The following TLL2 variants were observed in gnomAD, a reference collection of about 807,000 sequenced individuals.
TLL2 encodes the protein tolloid-like protein 2.
A neutral mutation model predicts 123.0 loss-of-function variants in TLL2; 106 were observed. The observed-to-expected ratio is 0.86, with a 90% CI of 0.74 to 1.01. TLL2 has a LOEUF of 1.01. TLL2 is among the 50% of genes least tolerant of loss of function. TLL2 has a pLI of 0.00. For missense variants in TLL2, 1,332 were observed against 1,336.7 expected (o/e 1.00, Z 0.06); for synonymous variants, 494 against 516.8 (o/e 0.96, Z 0.60).
intron 19 of TLL2, among the ~76,000 whole-genome samples, chr10:96,372,228 A>T (rs1846090958): frequency 6.6e-6 from 1 of 152,142 alleles, no homozygotes; most frequent in South Asian, 2.1e-4. Flanking sequence ...CTGCTGTGCA[A>T]GAGGAGGCTG....
At chr10:96,432,757 G>C (rs1478269706) in intron 4 of TLL2, 50 bp downstream of exon 4, 2 of 1,590,608 alleles carry the variant, frequency 1.3e-6, no homozygotes, top group South Asian at 2.3e-5. Flanking sequence ...TCTCAACCCA[G>C]GGAGACAAAG....
rs373878982 is a variant in TLL2 at position 96,413,178 on chromosome 10, C to T, written c.1048+14G>A. 1.9e-5 allele frequency: 30 copies of T among 1,613,572 alleles called. 1 individual carries two copies. The Admixed American group carries it at 2.0e-4, about 11-fold the overall frequency. ...GCTAGGGAGGTGCTGGCAGTCCCCA[C>T]GGCTCATAGTTACCTGGGCATTTGT... On this transcript the variant is annotated intron_variant, in intron 8 of 20. Coordinates refer to ENST00000357947, the MANE Select transcript of TLL2 (RefSeq NM_012465.4).
chr10:96,438,723 G>A (rs920811399), intron 3 of TLL2, among the ~76,000 whole-genome samples: 9 of 152,240 alleles, frequency 5.9e-5, no homozygotes, highest in Non-Finnish European at 1.2e-4. Context: ...AGACATCCTT[G>A]CCTTGTTCTT....
rs544445422 is a variant in TLL2, at chr10:96,462,909, T to C, written c.287-16741A>G. Among the ~76,000 whole-genome samples the C allele has an allele frequency of 1.6e-4, 25 of 152,278 alleles. No individual in the cohort carries two copies. The East Asian group carries it at 4.2e-3, about 26-fold the overall frequency. The stretch of plus-strand genomic sequence containing the variant: ...AATGCTTAAAATATGGCACTAAATA[T>C]AGCACAAGAAGGACACTTGTTTACA... On this transcript the variant is annotated intron_variant, in intron 2 of 20. Coordinates refer to ENST00000357947, the MANE Select transcript of TLL2 (RefSeq NM_012465.4).
chr10:96,477,851 T>TC (rs1351950730), intron 2 of TLL2, among the ~76,000 whole-genome samples: 1 of 152,112 alleles, frequency 6.6e-6, no homozygotes, highest in African/African-American at 2.4e-5. Context: ...GGGAGACGGC[T>TC]CCAGGGTCTG....
chr10:96,500,804 C>CGAAAGCAAGATAAGGAAGGAAGGAAG (rs1564920410), intron 1 of TLL2, among the ~76,000 whole-genome samples: 1 of 12,972 alleles, frequency 7.7e-5, no homozygotes, highest in African/African-American at 2.9e-4. Flanking sequence ...GAGGGAGGGA[C>CGAAAGCAAGATAAGGAAGGAAGGAAG]GGAGGGAGGG....
chr10:96,508,396 G>A (rs531407355), intron 1 of TLL2, among the ~76,000 whole-genome samples: 42 of 152,194 alleles, frequency 2.8e-4, no homozygotes, highest in Non-Finnish European at 4.6e-4. Flanking sequence ...GCAGAGTGAG[G>A]TGAAACACCA....
At chr10:96,395,820 G>A (rs1159775408) in intron 12 of TLL2, 55 bp downstream of exon 12, 1 of 1,604,996 alleles carries the variant, frequency 6.2e-7, no homozygotes, top group Non-Finnish European at 8.5e-7. Context: ...ACAGAGTGGA[G>A]GATGTCTAGC....
In TLL2 at chr10:96,420,634, C is replaced by G. The variant is rs1211746150; in HGVS notation, c.923+322G>C. ...CACCACCATGCTTCTACAAAAGACT[C>G]CCCCCACCCACTGGAAATTTGACAC... On this transcript the variant is annotated intron_variant, in intron 7 of 20. Coordinates refer to ENST00000357947, the MANE Select transcript of TLL2 (RefSeq NM_012465.4). Among the ~76,000 whole-genome samples, 9 of 152,162 alleles carry G rather than the reference C, an allele frequency of 5.9e-5. 1 individual carries two copies. The highest frequency in any genetic ancestry group is 1.2e-4 in the Non-Finnish European group (8 of 68,026).
chr10:96,434,222 C>G (rs139765904), intron 3 of TLL2, among the ~76,000 whole-genome samples: 2 of 152,262 alleles, frequency 1.3e-5, no homozygotes, highest in African/African-American at 4.8e-5. Flanking sequence ...CCCTATTTAG[C>G]CTTTTAAAGT....
chr10:96,397,812 T>A (rs933529124), intron 10 of TLL2, among the ~76,000 whole-genome samples: 6 of 152,204 alleles, frequency 3.9e-5, no homozygotes, highest in Non-Finnish European at 5.9e-5. Flanking sequence ...TTTGGAAGGA[T>A]GCACCATATT....
In TLL2 at chr10:96,413,173, C is replaced by G; in HGVS notation, c.1048+19G>C. ...GAGATGCTAGGGAGGTGCTGGCAGT[C>G]CCCACGGCTCATAGTTACCTGGGCA... On this transcript the variant is annotated intron_variant, in intron 8 of 20. Coordinates refer to ENST00000357947, the MANE Select transcript of TLL2 (RefSeq NM_012465.4). The G allele has an allele frequency of 1.2e-6, 2 of 1,613,382 alleles. No individual in the cohort carries two copies. Among genetic ancestry groups the G allele is most frequent in the Non-Finnish European group, 1.7e-6 (2 of 1,179,522 alleles).
chr10:96,394,079 T>C (rs1224996930), intron 13 of TLL2, among the ~76,000 whole-genome samples: 4 of 152,164 alleles, frequency 2.6e-5, no homozygotes. Flanking sequence ...GCTGTTCACG[T>C]AGAACCTGGG....
chr10:96,470,219 C>T (rs180990163), intron 2 of TLL2, among the ~76,000 whole-genome samples: 1 of 152,356 alleles, frequency 6.6e-6, no homozygotes, highest in African/African-American at 2.4e-5. Context: ...ATCCCTGAGC[C>T]TGAGAATTTC....
intron 10 of TLL2, 25 bp from the exon 11 acceptor site, chr10:96,397,327 T>C (rs1279088392): frequency 1.9e-6 from 3 of 1,593,462 alleles, no homozygotes; most frequent in Non-Finnish European, 2.6e-6. Context: ...AAGAAGCAGT[T>C]AGGAGCCCTG....
At chr10:96,488,630 A>C (rs1192462346) in intron 1 of TLL2, among the ~76,000 whole-genome samples, 1 of 152,218 alleles carries the variant, frequency 6.6e-6, no homozygotes, top group Non-Finnish European at 1.5e-5. Flanking sequence ...ACAGCCTTCA[A>C]GCAAGAGTGG....
rs191413021 is a variant in TLL2 at position 96,431,801 on chromosome 10, G to T, written c.520+1006C>A. On this transcript the variant is annotated intron_variant, in intron 4 of 20. Transcript: ENST00000357947. ...GGGGACAGGGAGGCGCTGGTGGGGG[G>T]AGGGCAGAAGGCCTTCCTGTGATGT... is the stretch of plus-strand genomic sequence containing the variant. Among the ~76,000 whole-genome samples the T allele has an allele frequency of 4.4e-3, 665 of 152,304 alleles. 3 individuals are homozygous for T. The highest frequency in any genetic ancestry group is 0.01 in the Middle Eastern group (3 of 294).
intron 2 of TLL2, among the ~76,000 whole-genome samples, chr10:96,453,813 A>G (rs999671696): frequency 6.6e-6 from 1 of 152,198 alleles, no homozygotes; most frequent in Non-Finnish European, 1.5e-5. Flanking sequence ...TGCCGAAAAA[A>G]TGCTGGATGG....
At chr10:96,476,216 T>TTATATATATATATATATATATATA (rs1466849863) in intron 2 of TLL2, among the ~76,000 whole-genome samples, 2 of 33,348 alleles carry the variant, frequency 6.0e-5, no homozygotes, top group African/African-American at 8.7e-5. Flanking sequence ...CTTTTTAATT[T>TTATATATATATATATATATATATA]TATATGTATA....
Sources: gnomAD v4.1 joint callset for allele counts (sites outside exome capture counted in the v4.1 genomes callset) on GRCh38, gnomAD v4.1.1 for gene constraint, MANE v1.5 for transcripts, NCBI Gene and HGNC (gene_info 2026-07-23, HGNC 2026-07-21) for gene names.